Variants in KIAA1217 observed in about 807,000 individuals in gnomAD.
KIAA1217 encodes the protein KIAA1217.
Under a neutral mutation model 163.9 loss-of-function variants are expected in KIAA1217, and 88 were observed. The observed-to-expected ratio is 0.54, with a 90% CI of 0.45 to 0.64. The LOEUF (loss-of-function observed/expected upper bound fraction) is 0.64, where lower values mean the gene tolerates loss of function less well. Among genes scored for constraint, KIAA1217 ranks in the 30% least tolerant of loss-of-function variants. KIAA1217 has a pLI of 0.00. For synonymous variants in KIAA1217, 903 were observed against 923.1 expected (o/e 0.98, Z 0.39); for missense variants, 2,372 against 2,475.0 (o/e 0.96, Z 0.88).
intron 4 of KIAA1217, among the ~76,000 whole-genome samples, chr10:24,433,870 G>A (rs142614227): frequency 4.6e-5 from 7 of 152,128 alleles, no homozygotes; most frequent in Middle Eastern, 3.4e-3. Context: ...TTAAAGAGTT[G>A]TCCTTTACCC....
chr10:24,133,555 G>A (rs1024275845), intron 2 of KIAA1217, among the ~76,000 whole-genome samples: 17 of 149,060 alleles, frequency 1.1e-4, no homozygotes, highest in Admixed American at 1.0e-3. Context: ...CTGGGCGACA[G>A]AGCGAGACTG....
chr10:24,262,206 C>T (rs1310645484), intron 2 of KIAA1217, among the ~76,000 whole-genome samples: 1 of 152,166 alleles, frequency 6.6e-6, no homozygotes, highest in Non-Finnish European at 1.5e-5. Flanking sequence ...GAGAACCGCA[C>T]AAGGACTTCA....
At chr10:23,843,665 A>C (rs1207816522) in intron 1 of KIAA1217, among the ~76,000 whole-genome samples, 3 of 152,168 alleles carry the variant, frequency 2.0e-5, no homozygotes, top group African/African-American at 4.8e-5. Context: ...AATCAGAGAG[A>C]AGGAGGATAC....
intron 1 of KIAA1217, among the ~76,000 whole-genome samples, chr10:23,847,356 G>T (rs1234271181): frequency 6.6e-6 from 1 of 151,768 alleles, no homozygotes; most frequent in Non-Finnish European, 1.5e-5. Flanking sequence ...CTGTAATTCG[G>T]TCTCGTCCTA....
At chr10:23,870,178 G>T (rs867465319) in intron 1 of KIAA1217, among the ~76,000 whole-genome samples, 4 of 152,076 alleles carry the variant, frequency 2.6e-5, no homozygotes, top group Admixed American at 6.6e-5. Flanking sequence ...CTTCTGATTA[G>T]TTACTCTCTA....
At chr10:24,344,420 G>C (rs2047472716) in intron 2 of KIAA1217, among the ~76,000 whole-genome samples, 1 of 152,158 alleles carries the variant, frequency 6.6e-6, no homozygotes, top group South Asian at 2.1e-4. Context: ...TCGTATAAAT[G>C]TCTTTGCTTT....
At position 24,007,598 on chromosome 10, in the gene KIAA1217, C is replaced by T. The variant is rs549155731; in HGVS notation, c.-171+224C>T. Among the ~76,000 whole-genome samples the T allele has an allele frequency of 3.9e-5, 6 of 152,244 alleles. 1 individual carries two copies. The South Asian group carries it at 1.2e-3, about 32-fold the overall frequency. ...GTCATTCTTCCTTTGGTGTTGCGGA[C>T]AGGGTTAGCACATATGTGTTATTTT... On this transcript the variant is annotated intron_variant, in intron 2 of 18. Coordinates refer to the KIAA1217 transcript ENST00000376462.
At chr10:24,209,621 T>G (rs901771688) in intron 1 of KIAA1217, among the ~76,000 whole-genome samples, 1 of 152,220 alleles carries the variant, frequency 6.6e-6, no homozygotes, top group African/African-American at 2.4e-5. Context: ...GAGCTGTTTT[T>G]GTGAAACTGT....
intron 1 of KIAA1217, among the ~76,000 whole-genome samples, chr10:23,923,266 T>C (rs1842913070): frequency 6.6e-6 from 1 of 152,194 alleles, no homozygotes; most frequent in Non-Finnish European, 1.5e-5. Context: ...TTTAGGCTCG[T>C]TCCATATTTT....
At chr10:24,240,781 A>G (rs1326525140) in intron 2 of KIAA1217, among the ~76,000 whole-genome samples, 1 of 152,180 alleles carries the variant, frequency 6.6e-6, no homozygotes, top group African/African-American at 2.4e-5. Context: ...TTGGATATTT[A>G]GAAAGTGTTT....
intron 2 of KIAA1217, among the ~76,000 whole-genome samples, chr10:24,295,456 C>T (rs975530853): frequency 7.9e-5 from 12 of 152,144 alleles, no homozygotes; most frequent in African/African-American, 2.9e-4. Flanking sequence ...TTCTTCTGGA[C>T]TATTTCAGGA....
At chr10:24,064,405 G>A (rs2060855368) in intron 2 of KIAA1217, among the ~76,000 whole-genome samples, 1 of 152,134 alleles carries the variant, frequency 6.6e-6, no homozygotes, top group African/African-American at 2.4e-5. Context: ...TAATCATGTG[G>A]ATTTTGTCTT....
At chr10:24,349,751 C>T (rs2048225185) in intron 2 of KIAA1217, among the ~76,000 whole-genome samples, 1 of 152,142 alleles carries the variant, frequency 6.6e-6, no homozygotes, top group Non-Finnish European at 1.5e-5. Flanking sequence ...ATTATGAGAG[C>T]TTCGTGAAGA....
intron 3 of KIAA1217, among the ~76,000 whole-genome samples, chr10:24,398,002 A>G (rs894181000): frequency 1.3e-5 from 2 of 152,178 alleles, no homozygotes; most frequent in East Asian, 1.9e-4. Flanking sequence ...TACCTCACAG[A>G]GTACAGTTGA....
intron 2 of KIAA1217, among the ~76,000 whole-genome samples, chr10:24,252,168 T>A (rs2074627708): frequency 6.6e-6 from 1 of 152,142 alleles, no homozygotes; most frequent in African/African-American, 2.4e-5. Flanking sequence ...GATTACTTAG[T>A]TAAAGGCAAA....
chr10:24,072,156 G>T (rs2061210191), intron 2 of KIAA1217, among the ~76,000 whole-genome samples: 1 of 152,048 alleles, frequency 6.6e-6, no homozygotes, highest in Non-Finnish European at 1.5e-5. Flanking sequence ...CACCCAAGGA[G>T]TTAGGACTAA....
chr10:23,929,728 C>T (rs1422083162), intron 1 of KIAA1217, among the ~76,000 whole-genome samples: 3 of 152,180 alleles, frequency 2.0e-5, no homozygotes, highest in African/African-American at 7.2e-5. Flanking sequence ...AAGTTGCTTA[C>T]ATCTCTTTGC....
At chr10:24,503,495 G>A (rs2067937658) in intron 9 of KIAA1217, among the ~76,000 whole-genome samples, 1 of 152,196 alleles carries the variant, frequency 6.6e-6, no homozygotes, top group Non-Finnish European at 1.5e-5. Context: ...CAGTGTCCGG[G>A]CAGTAACAGC....
rs140239660 is a variant in KIAA1217 at position 23,780,458 on chromosome 10, C to A, written c.-321+85224C>A. Among the ~76,000 whole-genome samples, 618 of 152,162 alleles carry A rather than the reference C, an allele frequency of 4.1e-3. 4 individuals are homozygous for A. The highest frequency in any genetic ancestry group is 0.014 in the African/African-American group (584 of 41,500). ...GTCACCTTTTGTTTGTTTTGTTTTGCTTTGCTTTTAGATTTTGTATATAAG... is the reference window on the plus strand; with the variant it reads ...GTCACCTTTTGTTTGTTTTGTTTTGATTTGCTTTTAGATTTTGTATATAAG... On this transcript the variant is annotated intron_variant, in intron 1 of 18. Transcript: ENST00000376462.
Sources: allele counts gnomAD v4.1 joint callset (sites outside exome capture counted in the v4.1 genomes callset), GRCh38; gene constraint gnomAD v4.1.1; transcripts MANE v1.5; gene names NCBI Gene and HGNC (gene_info 2026-07-23, HGNC 2026-07-21).